SLX4IP: variants seen among roughly 807,000 people sequenced by gnomAD.
SLX4IP encodes protein SLX4IP.
SLX4IP carries 34 observed loss-of-function variants against 32.9 expected under a neutral mutation model. The observed-to-expected ratio is 1.03, with a 90% CI of 0.79 to 1.38. The LOEUF (loss-of-function observed/expected upper bound fraction) is 1.38. Among genes scored for constraint, SLX4IP ranks in the 40% most tolerant of loss-of-function variants. The pLI, the probability that SLX4IP is intolerant of heterozygous loss-of-function variation, is 0.00. For missense variants in SLX4IP, 444 were observed against 479.0 expected (o/e 0.93, Z 0.68); for synonymous variants, 172 against 171.7 (o/e 1.00, Z -0.01).
chr20:10,598,020 T>G (rs987102580), intron 4 of SLX4IP, among the ~76,000 whole-genome samples: 14 of 152,244 alleles, frequency 9.2e-5, no homozygotes, highest in Non-Finnish European at 1.5e-5. Flanking sequence ...GAACTGCTTC[T>G]TTTTATGAGC....
At chr20:10,452,684 T>A (rs28410099) in intron 1 of SLX4IP, among the ~76,000 whole-genome samples, 1 of 135,788 alleles carries the variant, frequency 7.4e-6, no homozygotes, top group Non-Finnish European at 1.6e-5. Flanking sequence ...AAAAAAAATA[T>A]ATATATATAT....
chr20:10,546,993 A>C (rs2066168560), intron 2 of SLX4IP, among the ~76,000 whole-genome samples: 1 of 152,126 alleles, frequency 6.6e-6, no homozygotes, highest in African/African-American at 2.4e-5. Flanking sequence ...CTGGAATTCT[A>C]CCCCAGGGTC....
chr20:10,474,767 G>T (rs765321206), intron 2 of SLX4IP, among the ~76,000 whole-genome samples: 2 of 152,262 alleles, frequency 1.3e-5, no homozygotes, highest in South Asian at 4.1e-4. Flanking sequence ...CCATCTAATC[G>T]GGGCTGCTGA....
At chr20:10,437,447 A>G (rs1014439604) in intron 1 of SLX4IP, among the ~76,000 whole-genome samples, 14 of 152,226 alleles carry the variant, frequency 9.2e-5, no homozygotes, top group Non-Finnish European at 2.1e-4. Flanking sequence ...GGAGTATGAG[A>G]AAACAGAAAC....
At chr20:10,565,701 A>G (rs1451408318) in intron 4 of SLX4IP, among the ~76,000 whole-genome samples, 1 of 152,220 alleles carries the variant, frequency 6.6e-6, no homozygotes, top group Non-Finnish European at 1.5e-5. Flanking sequence ...ACAAGTTACA[A>G]ATATCCACTA....
chr20:10,574,616 G>A (rs923517610), intron 4 of SLX4IP, among the ~76,000 whole-genome samples: 4 of 152,042 alleles, frequency 2.6e-5, no homozygotes, highest in African/African-American at 9.7e-5. Flanking sequence ...GCTCACAACA[G>A]CTCTACCAAA....
At chr20:10,471,485 T>C (rs1324180175) in intron 2 of SLX4IP, among the ~76,000 whole-genome samples, 1 of 152,252 alleles carries the variant, frequency 6.6e-6, no homozygotes, top group Non-Finnish European at 1.5e-5. Flanking sequence ...GACATGTTTC[T>C]GAATGGGATG....
intron 4 of SLX4IP, among the ~76,000 whole-genome samples, chr20:10,564,211 T>C (rs1247966668): frequency 1.3e-5 from 2 of 152,200 alleles, no homozygotes; most frequent in Non-Finnish European, 2.9e-5. Context: ...TTGTCATCAG[T>C]GCCAAAAACA....
chr20:10,496,852 A>G (rs2065672496), intron 2 of SLX4IP, among the ~76,000 whole-genome samples: 1 of 152,178 alleles, frequency 6.6e-6, no homozygotes. Flanking sequence ...AGTATCTCTC[A>G]TGGATTTCAT....
intron 4 of SLX4IP, among the ~76,000 whole-genome samples, chr20:10,585,725 G>A (rs536951954): frequency 6.6e-6 from 1 of 151,778 alleles, no homozygotes; most frequent in Non-Finnish European, 1.5e-5. Flanking sequence ...TGAGTAGCTG[G>A]GACTACAGTT....
At chr20:10,453,736 TAAA>T (rs35401768) in intron 1 of SLX4IP, among the ~76,000 whole-genome samples, 34 of 151,376 alleles carry the variant, frequency 2.2e-4, no homozygotes, top group African/African-American at 7.8e-4. Flanking sequence ...CCAACGCACT[TAAA>T]AAAAATTTTT....
At chr20:10,576,420 G>A (rs1435545485) in intron 4 of SLX4IP, among the ~76,000 whole-genome samples, 2 of 152,092 alleles carry the variant, frequency 1.3e-5, no homozygotes, top group African/African-American at 4.8e-5. Context: ...GTTTATATTT[G>A]TTGTTGTACC....
intron 2 of SLX4IP, among the ~76,000 whole-genome samples, chr20:10,484,558 C>T (rs891723703): frequency 1.3e-5 from 2 of 151,854 alleles, no homozygotes; most frequent in African/African-American, 4.8e-5. Flanking sequence ...CACAGTGATA[C>T]CAAAATTGTG....
intron 1 of SLX4IP, among the ~76,000 whole-genome samples, chr20:10,440,242 A>G (rs1306142288): frequency 1.3e-5 from 2 of 151,676 alleles, no homozygotes; most frequent in African/African-American, 4.8e-5. Context: ...ATCACTTGAG[A>G]TCAGGAGTTT....
intron 2 of SLX4IP, among the ~76,000 whole-genome samples, chr20:10,483,491 A>G (rs2065543627): frequency 6.6e-6 from 1 of 152,208 alleles, no homozygotes; most frequent in Non-Finnish European, 1.5e-5. Flanking sequence ...AGCAAACAAA[A>G]TGATTATCAA....
At chr20:10,508,038 C>T (rs1428329109) in intron 2 of SLX4IP, among the ~76,000 whole-genome samples, 2 of 152,068 alleles carry the variant, frequency 1.3e-5, no homozygotes, top group East Asian at 3.9e-4. Flanking sequence ...TTGCTTTCCC[C>T]ATGCTAGAGG....
intron 2 of SLX4IP, among the ~76,000 whole-genome samples, chr20:10,517,158 C>A (rs2065858133): frequency 6.6e-6 from 1 of 152,224 alleles, no homozygotes; most frequent in Non-Finnish European, 1.5e-5. Context: ...TGAACCCCAT[C>A]TCTTACTGGT....
At chr20:10,549,762 G>A (rs1355714622) in intron 2 of SLX4IP, among the ~76,000 whole-genome samples, 1 of 152,152 alleles carries the variant, frequency 6.6e-6, no homozygotes, top group African/African-American at 2.4e-5. Flanking sequence ...TAATCATTGT[G>A]CTCCTTCACC....
intron 2 of SLX4IP, among the ~76,000 whole-genome samples, chr20:10,550,947 AG>A (rs2066212510): frequency 6.6e-6 from 1 of 152,126 alleles, no homozygotes; most frequent in African/African-American, 2.4e-5. Flanking sequence ...TCCCTCTCTC[AG>A]GGCCTGGCTA....
Sources: gnomAD v4.1 joint callset for allele counts (sites outside exome capture counted in the v4.1 genomes callset) on GRCh38, gnomAD v4.1.1 for gene constraint, MANE v1.5 for transcripts, NCBI Gene and HGNC (gene_info 2026-07-23, HGNC 2026-07-21) for gene names.